Variants in DOCK8 observed in about 807,000 individuals in gnomAD.
The protein encoded by DOCK8 is dedicator of cytokinesis protein 8.
In DOCK8, 141 loss-of-function variants were observed where a neutral mutation model predicts 245.6. The ratio of observed to expected loss-of-function variants is 0.57; its 90% CI spans 0.50 to 0.66. The LOEUF (loss-of-function observed/expected upper bound fraction) is 0.66. DOCK8 is among the 30% of genes least tolerant of loss of function. DOCK8 has a pLI of 0.00. For missense variants in DOCK8, 2,965 were observed against 2,603.4 expected (o/e 1.14, Z -3.02); for synonymous variants, 1,168 against 970.2 (o/e 1.20, Z -3.79).
At chr9:345,054 CA>C (rs138052686) in intron 14 of DOCK8, among the ~76,000 whole-genome samples, 1 of 151,548 alleles carries the variant, frequency 6.6e-6, no homozygotes, top group Non-Finnish European at 1.5e-5. Flanking sequence ...AACTCTGTCT[CA>C]AAAAAAAGGT....
intron 14 of DOCK8, among the ~76,000 whole-genome samples, chr9:361,269 A>G (rs1481291187): frequency 6.6e-6 from 1 of 152,184 alleles, no homozygotes; most frequent in Non-Finnish European, 1.5e-5. Context: ...TACACAAATT[A>G]AAGACACAGA....
intron 44 of DOCK8, among the ~76,000 whole-genome samples, chr9:447,259 C>T (rs1255223085): frequency 6.6e-6 from 1 of 152,240 alleles, no homozygotes; most frequent in Non-Finnish European, 1.5e-5. Flanking sequence ...CAAAATTCTA[C>T]ACACCATAAA....
chr9:280,661 T>A (rs2048539594), intron 2 of DOCK8: 1 of 152,182 alleles, frequency 6.6e-6, no homozygotes, highest in Non-Finnish European at 1.5e-5. Context: ...TAACTTAAAG[T>A]CACCTGTTTA....
intron 32 of DOCK8, among the ~76,000 whole-genome samples, chr9:421,330 A>T (rs1406052264): frequency 6.6e-6 from 1 of 152,182 alleles, no homozygotes; most frequent in Non-Finnish European, 1.5e-5. Flanking sequence ...AAACTCGTTG[A>T]TGGTAAAAGG....
chr9:225,458 G>A (rs1271050860), intron 1 of DOCK8, among the ~76,000 whole-genome samples: 6 of 152,182 alleles, frequency 3.9e-5, no homozygotes, highest in Non-Finnish European at 1.5e-5. Flanking sequence ...ATGTGAGGTA[G>A]TGAGATCTGG....
At chr9:248,595 CTCTT>C (rs576651872) in intron 1 of DOCK8, among the ~76,000 whole-genome samples, 19 of 138,356 alleles carry the variant, frequency 1.4e-4, no homozygotes, top group African/African-American at 4.0e-4. Flanking sequence ...CTTTCTTTCT[CTCTT>C]TCTTTCTTTC....
At chr9:237,338 A>C (rs2047276435) in intron 1 of DOCK8, among the ~76,000 whole-genome samples, 1 of 152,242 alleles carries the variant, frequency 6.6e-6, no homozygotes, top group Non-Finnish European at 1.5e-5. Context: ...GATGGTAGGA[A>C]ACAAGGCCAT....
chr9:277,626 C>CAT (rs111865860), intron 2 of DOCK8, among the ~76,000 whole-genome samples: 20,893 of 151,468 alleles, frequency 0.14, 3,031 homozygotes, highest in African/African-American at 0.37. Flanking sequence ...GGATTTGAGA[C>CAT]TGTGTAGGTG....
chr9:212,464 A>C (rs1040883652), upstream of DOCK8, among the ~76,000 whole-genome samples: 2 of 152,220 alleles, frequency 1.3e-5, no homozygotes, highest in Non-Finnish European at 2.9e-5. Flanking sequence ...CTCTCTGGAC[A>C]GAGGGCTGAT....
At chr9:449,349 TCAAA>T (rs2057360449) in intron 44 of DOCK8, among the ~76,000 whole-genome samples, 1 of 97,484 alleles carries the variant, frequency 1.0e-5, no homozygotes, top group African/African-American at 2.8e-5. Flanking sequence ...AAACTCCATC[TCAAA>T]TAAATAAATA....
chr9:374,622 C>A (rs1264027325), intron 18 of DOCK8, among the ~76,000 whole-genome samples: 2 of 93,030 alleles, frequency 2.1e-5, no homozygotes, highest in Non-Finnish European at 4.3e-5. Flanking sequence ...CCACCACGCC[C>A]AGCTAATTTT....
chr9:317,491 C>T (rs368983102), intron 7 of DOCK8, among the ~76,000 whole-genome samples: 9 of 152,250 alleles, frequency 5.9e-5, no homozygotes, highest in South Asian at 4.1e-4. Flanking sequence ...TTCCTGGGTT[C>T]GGTGAAGTCA....
At chr9:233,040 A>G (rs1470707419) in intron 1 of DOCK8, among the ~76,000 whole-genome samples, 2 of 152,160 alleles carry the variant, frequency 1.3e-5, no homozygotes, top group African/African-American at 2.4e-5. Flanking sequence ...ATTTAGTGCT[A>G]TAAATTTCCC....
Position 399,266 on chromosome 9 carries a change from G to GT in DOCK8, c.3234+8dup. ...CAGACATTATTGCAGCCAGGTGAGT[G>GT]TCCCCCCCACCCCCACCCCCGAGCG... On this transcript the variant is annotated splice_region_variant and intron_variant, in intron 26 of 47. Coordinates refer to ENST00000432829, the MANE Select transcript of DOCK8 (RefSeq NM_203447.4). 6.3e-7 allele frequency: 1 copy of GT among 1,593,916 alleles called. No individual in the cohort carries two copies. Among genetic ancestry groups the GT allele is most frequent in the Non-Finnish European group, 8.5e-7 (1 of 1,170,762 alleles).
At chr9:235,564 C>T (rs1235367072) in intron 1 of DOCK8, among the ~76,000 whole-genome samples, 1 of 152,214 alleles carries the variant, frequency 6.6e-6, no homozygotes, top group Non-Finnish European at 1.5e-5. Flanking sequence ...AGCTTCCCGG[C>T]CGCTTTGTTT....
At chr9:389,483 G>T (rs547008016) in intron 23 of DOCK8, among the ~76,000 whole-genome samples, 1 of 152,094 alleles carries the variant, frequency 6.6e-6, no homozygotes, top group Non-Finnish European at 1.5e-5. Flanking sequence ...AAACCCCACC[G>T]ATCCTGCTTC....
chr9:271,595 A>G (rs1007529248), intron 1 of DOCK8, 32 bp from the exon 2 acceptor site: 1 of 1,427,458 alleles, frequency 7.0e-7, no homozygotes, highest in South Asian at 1.2e-5. Context: ...TAAAATAATC[A>G]TTTCATTTAG....
chr9:439,484 C>T, intron 40 of DOCK8, 96 bp downstream of exon 40: 2 of 1,535,428 alleles, frequency 1.3e-6, no homozygotes, highest in Non-Finnish European at 1.8e-6. Flanking sequence ...CAGTCAGCCC[C>T]ACTTCCCGAG....
At chr9:437,571 G>A (rs781659729) in intron 39 of DOCK8, among the ~76,000 whole-genome samples, 9 of 152,170 alleles carry the variant, frequency 5.9e-5, no homozygotes, top group Non-Finnish European at 1.3e-4. Context: ...CTTTATAGAA[G>A]GAGGAAAGAA....
Sources: allele counts gnomAD v4.1 joint callset (sites outside exome capture counted in the v4.1 genomes callset), GRCh38; gene constraint gnomAD v4.1.1; transcripts MANE v1.5; gene names NCBI Gene and HGNC (gene_info 2026-07-23, HGNC 2026-07-21).